Variants in DIRAS1 observed in about 807,000 individuals in gnomAD.
DIRAS1 encodes GTP-binding protein Di-Ras1.
A neutral mutation model predicts 11.5 loss-of-function variants in DIRAS1; 3 were observed. The observed-to-expected ratio is 0.26, with a 90% CI of 0.12 to 0.67. The LOEUF (loss-of-function observed/expected upper bound fraction) is 0.67. DIRAS1 is among the 30% of genes least tolerant of loss of function. The pLI, the probability that DIRAS1 is intolerant of heterozygous loss-of-function variation, is 0.80. For synonymous variants in DIRAS1, 128 were observed against 125.8 expected, an observed-to-expected ratio of 1.02 and a Z score of -0.12; for missense variants, 212 against 285.3, an observed-to-expected ratio of 0.74 and a Z score of 1.85.
At position 2,717,070 on chromosome 19, in the gene DIRAS1, G is replaced by GA; in HGVS notation, c.*139_*140insT. ...CGGGGTGGGCAGGGGCAGCGGAGGG[G>GA]GGGGCGGTGGCCTCGGTTTCCCCAG... On this transcript the variant is annotated 3_prime_UTR_variant, in exon 2 of 2. Transcript: ENST00000323469. 1 of 858,262 alleles carries GA rather than the reference G, an allele frequency of 1.2e-6. No homozygotes were observed. Among genetic ancestry groups the GA allele is most frequent in the East Asian group, 2.7e-5 (1 of 37,718 alleles). The allele number at this position is 858,262 out of a possible 1,614,324, so 53.2% of individuals were successfully genotyped here. A position where few individuals can be genotyped will look rare whatever the true frequency, so the allele number is the denominator to read the frequency against.
Position 2,717,652 on chromosome 19 carries a change from T to C in DIRAS1, c.155A>G (p.Lys52Arg). 6.2e-7 allele frequency: 1 copy of C among 1,613,116 alleles called. No homozygotes were observed. Among genetic ancestry groups the C allele is most frequent in the Non-Finnish European group, 8.5e-7 (1 of 1,180,000 alleles). ...DTYRQVISCD[K>R]SVCTLQITDT... ...TGTGATCTGCAGCGTGCACACGCTC[T>C]TGTCGCAGCTGATCACCTGCCGGTA... is the stretch of plus-strand genomic sequence containing the variant. Residue 52 changes from lysine to arginine, a missense_variant, in exon 2 of 2, where the codon AAG becomes AGG. Transcript: ENST00000323469.
At chr19:2,717,938 C>T (rs1913867269) in intron 1 of DIRAS1, 63 bp from the exon 2 acceptor site, 5 of 950,626 alleles carry the variant, frequency 5.3e-6, no homozygotes, top group Non-Finnish European at 7.6e-6. Flanking sequence ...GCCCCACGCC[C>T]CGGGGAGGGA....
In DIRAS1 at chr19:2,718,868, T is replaced by C. The variant is rs1290014445; in HGVS notation, c.-69-993A>G. Among the ~76,000 whole-genome samples the C allele has an allele frequency of 6.6e-6, 1 of 151,868 alleles. No homozygotes were observed. Among genetic ancestry groups the C allele is most frequent in the Non-Finnish European group, 1.5e-5 (1 of 68,014 alleles). On this transcript the variant is annotated intron_variant, in intron 1 of 1. Coordinates refer to ENST00000323469, the MANE Select transcript of DIRAS1 (RefSeq NM_145173.4). The surrounding 1 kb of genome is among the most constrained non-coding windows in gnomAD (Gnocchi z 4.2). ...CCAAGTCTTGCTCTGTTGCCCAGGT[T>C]GGAGTTCAGTGGTGCAATCTCGGCT...
Position 2,721,350 on chromosome 19 carries a change from C to G in DIRAS1, c.-116G>C, listed in dbSNP as rs2144685419. 1 of 146,954 alleles carries G rather than the reference C, an allele frequency of 6.8e-6. No individual in the cohort carries two copies. Among genetic ancestry groups the G allele is most frequent in the East Asian group, 2.0e-4 (1 of 5,022 alleles). 9.1% of individuals were successfully genotyped at this position (146,954 alleles called of 1,614,324 possible). A position where few individuals can be genotyped will look rare whatever the true frequency, so the allele number is the denominator to read the frequency against. ...GCGCCGCGGCCGCTGCTCCTGCCCGCTCCGGTGTCCGCTGGCGCCGCCGCC... is the reference window on the plus strand; with the variant it reads ...GCGCCGCGGCCGCTGCTCCTGCCCGGTCCGGTGTCCGCTGGCGCCGCCGCC... On this transcript the variant is annotated 5_prime_UTR_variant, in exon 1 of 2. Transcript: ENST00000323469.
intron 1 of DIRAS1, among the ~76,000 whole-genome samples, chr19:2,719,349 C>G (rs1273461672): frequency 1.3e-5 from 2 of 152,180 alleles, no homozygotes; most frequent in African/African-American, 4.8e-5. Flanking sequence ...TGTGCCCTAG[C>G]CCCTCCCGTT....
chr19:2,717,773 C>G lies in DIRAS1; in HGVS notation c.34G>C (p.Val12Leu). The change falls in exon 2 of 2, where the codon GTG becomes CTG. Residue 12 changes from valine (V) to leucine (L), a missense_variant. Physicochemically the swap from Val to Leu is conservative, Grantham distance 32 (BLOSUM62 1). Transcript: ENST00000323469. ...TTGCCCACGCCGCCCGCCCCGAACA[C>G]CACCACGCGGTAATCGTTACTCTGT... is the stretch of plus-strand genomic sequence containing the variant. ...PEQSNDYRVV[V>L]FGAGGVGKSS... 1 of 1,601,918 alleles carries G rather than the reference C, an allele frequency of 6.2e-7. No homozygotes were observed. The highest frequency in any genetic ancestry group is 8.5e-7 in the Non-Finnish European group (1 of 1,179,812).
chr19:2,720,937 G>A (rs969624675), intron 1 of DIRAS1, among the ~76,000 whole-genome samples: 7 of 151,914 alleles, frequency 4.6e-5, no homozygotes, highest in African/African-American at 1.7e-4. Context: ...GCGGAGGGAG[G>A]GGCTTGGCTG....
chr19:2,717,253 T>C lies in DIRAS1; in HGVS notation c.554A>G (p.Gln185Arg). 6.2e-7 allele frequency: 1 copy of C among 1,609,808 alleles called. No individual in the cohort carries two copies. Among genetic ancestry groups the C allele is most frequent in the Non-Finnish European group, 8.5e-7 (1 of 1,178,118 alleles). Residue 185 changes from glutamine to arginine, a missense_variant, in exon 2 of 2, where the codon CAG (glutamine) becomes CGG (arginine). Gln to Arg is a conservative substitution (Grantham distance 43). This residue lies in a region of DIRAS1 where 84 missense variants were observed against 79.9 expected (regional missense o/e 1.05). Coordinates refer to ENST00000323469, the MANE Select transcript of DIRAS1 (RefSeq NM_145173.4). The stretch of plus-strand genomic sequence containing the variant: ...GCCCTTGACGCGGTCTGTCCTCTTC[T>C]GCTTCCCGGAGCGCTTGCCGTCGAT... The part of the protein sequence containing the change: ...LNIDGKRSGK[Q>R]KRTDRVKGKC...
In DIRAS1 at chr19:2,717,812, C is replaced by T; in HGVS notation, c.-6G>A. ...TCGTTACTCTGTTCCGGCATCTTCC[C>T]CGCGGCGGGTGGGCGGCCGGGGCCG... On this transcript the variant is annotated 5_prime_UTR_variant, in exon 2 of 2. Transcript: ENST00000323469. 1.9e-6 allele frequency: 3 copies of T among 1,586,568 alleles called. No homozygotes were observed. The highest frequency in any genetic ancestry group is 2.6e-6 in the Non-Finnish European group (3 of 1,170,110).
intron 1 of DIRAS1, among the ~76,000 whole-genome samples, chr19:2,720,057 A>G (rs557784870): frequency 6.6e-6 from 1 of 151,360 alleles, no homozygotes; most frequent in South Asian, 2.1e-4. Context: ...GGCAATGCCA[A>G]CTCATGTGAT....
intron 1 of DIRAS1, among the ~76,000 whole-genome samples, chr19:2,720,740 C>T (rs1346514947): frequency 2.0e-5 from 3 of 152,036 alleles, no homozygotes; most frequent in Non-Finnish European, 4.4e-5. Flanking sequence ...GCGGGGGTCA[C>T]GCCTGACCAA....
In DIRAS1 at chr19:2,717,266, G is replaced by A. The variant is rs1346053045; in HGVS notation, c.541C>T (p.Arg181Cys). Reference protein sequence around the residue: ...RNMSLNIDGKRSGKQKRTDRV... With the variant: ...RNMSLNIDGKCSGKQKRTDRV... ...TCTGTCCTCTTCTGCTTCCCGGAGC[G>A]CTTGCCGTCGATGTTGAGGCTCATG... Residue 181 changes from arginine (R) to cysteine (C), a missense_variant, in exon 2 of 2, where the codon CGC (arginine) becomes TGC (cysteine). Around this residue, in one of 2 missense-constraint regions of DIRAS1, gnomAD observed 84 missense variants for 79.9 expected, o/e 1.05. Coordinates refer to ENST00000323469, the MANE Select transcript of DIRAS1 (RefSeq NM_145173.4). The A allele has an allele frequency of 8.7e-6, 14 of 1,610,680 alleles. No homozygotes were observed. Among genetic ancestry groups the A allele is most frequent in the African/African-American group, 1.3e-5 (1 of 74,868 alleles).
rs1301484718 is a variant in DIRAS1 at position 2,714,939 on chromosome 19, C to T, written c.*2271G>A. 1 of 152,764 alleles carries T rather than the reference C, an allele frequency of 6.5e-6. No individual in the cohort carries two copies. The highest frequency in any genetic ancestry group is 1.9e-4 in the East Asian group (1 of 5,218). 9.5% of individuals were successfully genotyped at this position (152,764 alleles called of 1,614,324 possible). On this transcript the variant is annotated 3_prime_UTR_variant, in exon 2 of 2. Transcript: ENST00000323469. ...TCACTCTCTCCGGCACCTTCAGAAC[C>T]CAGAAGCTACTGCCAGGACAGGAGA...
Position 2,716,155 on chromosome 19 carries a change from C to G in DIRAS1, c.*1055G>C, listed in dbSNP as rs993756790. ...TCACACGAGTGTGGTGTCACTCAGA[C>G]TCTCTCAAAAAACACCCAGAACCTC... On this transcript the variant is annotated 3_prime_UTR_variant, in exon 2 of 2. Transcript: ENST00000323469. 2.0e-5 allele frequency: 3 copies of G among 152,282 alleles called. No individual in the cohort carries two copies. The highest frequency in any genetic ancestry group is 1.9e-4 in the East Asian group (1 of 5,198). The allele number at this position is 152,282 out of a possible 1,614,324, so 9.4% of individuals were successfully genotyped here.
At chr19:2,720,819 T>C (rs1335041892) in intron 1 of DIRAS1, among the ~76,000 whole-genome samples, 1 of 151,848 alleles carries the variant, frequency 6.6e-6, no homozygotes, top group Admixed American at 6.5e-5. Flanking sequence ...GGGCCTGCTC[T>C]AGGGGGCCCG....
At chr19:2,721,265 G>T (rs1255914840) in intron 1 of DIRAS1, 39 bp downstream of exon 1, 3 of 149,314 alleles carry the variant, frequency 2.0e-5, no homozygotes, top group African/African-American at 7.3e-5. Context: ...GCCGGCTGGG[G>T]GCTGCGCAGG....
At chr19:2,717,976 G>A (rs988439798) in intron 1 of DIRAS1, 101 bp from the exon 2 acceptor site, 7 of 691,018 alleles carry the variant, frequency 1.0e-5, no homozygotes, top group Non-Finnish European at 1.2e-5. Flanking sequence ...CTCAGAGGAG[G>A]TGGCTGCCGT....
chr19:2,717,816 G>C lies in DIRAS1; in HGVS notation c.-10C>G, dbSNP rs1185826329. Reference sequence around the variant, plus strand: ...TACTCTGTTCCGGCATCTTCCCCGCGGCGGGTGGGCGGCCGGGGCCGGGAG... The same window carrying C: ...TACTCTGTTCCGGCATCTTCCCCGCCGCGGGTGGGCGGCCGGGGCCGGGAG... On this transcript the variant is annotated 5_prime_UTR_variant, in exon 2 of 2. Transcript: ENST00000323469. 1.3e-6 allele frequency: 2 copies of C among 1,583,524 alleles called. No homozygotes were observed. Among genetic ancestry groups the C allele is most frequent in the African/African-American group, 1.3e-5 (1 of 74,660 alleles).
rs923150135 is a variant in DIRAS1, at chr19:2,716,865, C to T, written c.*345G>A. ...GACACCCCAGGGAAAGAGATGGAAA[C>T]GGGGAAACGCAGCCTCCTCTGGTCC... On this transcript the variant is annotated 3_prime_UTR_variant, in exon 2 of 2. Coordinates refer to ENST00000323469, the MANE Select transcript of DIRAS1 (RefSeq NM_145173.4). 9 of 282,210 alleles carry T rather than the reference C, an allele frequency of 3.2e-5. No homozygotes were observed. Among genetic ancestry groups the T allele is most frequent in the South Asian group, 2.0e-4 (2 of 9,950 alleles). 17.5% of individuals were successfully genotyped at this position (282,210 alleles called of 1,614,324 possible).
Sources: allele counts gnomAD v4.1 joint callset (sites outside exome capture counted in the v4.1 genomes callset), GRCh38; gene constraint gnomAD v4.1.1; regional missense constraint gnomAD v4.1.1; non-coding constraint Gnocchi (gnomAD v3.1); transcripts MANE v1.5; gene names NCBI Gene and HGNC (gene_info 2026-07-23, HGNC 2026-07-21).